JAKMIP3: variants seen among roughly 807,000 people sequenced by gnomAD.
JAKMIP3 encodes the protein Janus kinase and microtubule interacting protein 3.
Under a neutral mutation model 118.5 loss-of-function variants are expected in JAKMIP3, and 58 were observed. That is an observed-to-expected ratio of 0.49 (90% confidence interval 0.40 to 0.61). The LOEUF is 0.61. Among genes scored for constraint, JAKMIP3 ranks in the 20% least tolerant of loss-of-function variants. The probability of loss-of-function intolerance (pLI) is 0.00; values close to 1 mark genes in which losing one functional copy is unlikely to be tolerated. For missense variants in JAKMIP3, 950 were observed against 1,109.0 expected (o/e 0.86, Z 2.04); for synonymous variants, 486 against 451.2 (o/e 1.08, Z -0.98).
chr10:132,139,088 G>A lies in JAKMIP3; in HGVS notation c.1344+910G>A, dbSNP rs569857150. 9.2e-4 allele frequency among the ~76,000 whole-genome samples: 124 copies of A among 135,514 alleles called. 1 individual carries two copies. The highest frequency in any genetic ancestry group is 3.0e-3 in the African/African-American group (109 of 36,308). The allele number at this position is 135,514 out of a possible 152,430, so 88.9% of individuals were successfully genotyped here. A position where few individuals can be genotyped will look rare whatever the true frequency, so the allele number is the denominator to read the frequency against. On this transcript the variant is annotated intron_variant, in intron 9 of 23. Coordinates refer to ENST00000684848, the MANE Select transcript of JAKMIP3 (RefSeq NM_001323087.2). ...TGTGTGTATGTGTATGTGTGTGTGA[G>A]TGCGTGTATGTGTGTACATGTGTGT... is the stretch of plus-strand genomic sequence containing the variant.
chr10:132,102,914 C>G (rs2045220796), intron 1 of JAKMIP3, among the ~76,000 whole-genome samples: 1 of 150,068 alleles, frequency 6.7e-6, no homozygotes, highest in African/African-American at 2.5e-5. Context: ...AGAGGAGATG[C>G]AGGAGTGATG....
At chr10:132,039,908 A>G (rs933725045) in intron 1 of JAKMIP3, among the ~76,000 whole-genome samples, 1 of 152,186 alleles carries the variant, frequency 6.6e-6, no homozygotes, top group African/African-American at 2.4e-5. Context: ...CTTTGCCATG[A>G]CACTAAGCAC....
intron 23 of JAKMIP3, among the ~76,000 whole-genome samples, chr10:132,174,293 A>T (rs1196710419): frequency 6.6e-6 from 1 of 152,066 alleles, no homozygotes; most frequent in Non-Finnish European, 1.5e-5. Flanking sequence ...CACATCAGGT[A>T]AATAGAGTCA....
chr10:132,113,408 A>C (rs1453537227), intron 2 of JAKMIP3, among the ~76,000 whole-genome samples: 1 of 152,202 alleles, frequency 6.6e-6, no homozygotes, highest in African/African-American at 2.4e-5. Flanking sequence ...CACTGTTAGA[A>C]AAAGCGGAAT....
At chr10:132,051,677 T>A (rs2038110612) in intron 1 of JAKMIP3, among the ~76,000 whole-genome samples, 1 of 152,194 alleles carries the variant, frequency 6.6e-6, no homozygotes, top group Non-Finnish European at 1.5e-5. Flanking sequence ...CTCAGCCCAC[T>A]ATAGCCTTGA....
At chr10:132,059,401 A>C (rs1481922503) in intron 1 of JAKMIP3, among the ~76,000 whole-genome samples, 3 of 152,376 alleles carry the variant, frequency 2.0e-5, no homozygotes, top group African/African-American at 7.2e-5. Flanking sequence ...GGTGCAAGAG[A>C]TTGACTTGTT....
Position 132,049,470 on chromosome 10 carries a change from A to G in JAKMIP3, c.-138+12732A>G, listed in dbSNP as rs1475318833. On this transcript the variant is annotated intron_variant, in intron 1 of 23. Transcript: ENST00000657785. This position sits in a 1 kb window ranked among gnomAD's most constrained non-coding sequence, Gnocchi z 4.3. ...GTTATTCTCCCTTGGGCATCTTACA[A>G]TTTATTTCTCATTTTTGAGATGCTT... Among the ~76,000 whole-genome samples, 1 of 149,990 alleles carries G rather than the reference A, an allele frequency of 6.7e-6. No homozygotes were observed. The highest frequency in any genetic ancestry group is 1.5e-5 in the Non-Finnish European group (1 of 67,646).
chr10:132,149,187 C>T (rs2055313019), intron 14 of JAKMIP3, among the ~76,000 whole-genome samples: 1 of 152,108 alleles, frequency 6.6e-6, no homozygotes, highest in Non-Finnish European at 1.5e-5. Context: ...TGAACTCTGC[C>T]CGGCACATCT....
chr10:132,095,463 C>T (rs967253656), intron 1 of JAKMIP3, among the ~76,000 whole-genome samples: 18 of 152,318 alleles, frequency 1.2e-4, no homozygotes, highest in East Asian at 9.7e-4. Context: ...AATCTTCTCC[C>T]GTGATCTAGA....
In JAKMIP3 at chr10:132,104,746, C is replaced by CCACAG. The variant is rs968773301; in HGVS notation, c.-62_-61insACAGC. 7 of 1,524,044 alleles carry CCACAG rather than the reference C, an allele frequency of 4.6e-6. No homozygotes were observed. The highest frequency in any genetic ancestry group is 2.2e-4 in the Middle Eastern group (1 of 4,530). The allele number at this position is 1,524,044 out of a possible 1,614,324, so 94.4% of individuals were successfully genotyped here. A position where few individuals can be genotyped will look rare whatever the true frequency, so the allele number is the denominator to read the frequency against. ...AGCTTGGCGTGGACACCCCAGCCAC[C>CCACAG]CCCAGCCCAGCCCAGCCGGAGCACC... is the stretch of plus-strand genomic sequence containing the variant. On this transcript the variant is annotated 5_prime_UTR_variant, in exon 2 of 24. Coordinates refer to ENST00000684848, the MANE Select transcript of JAKMIP3 (RefSeq NM_001323087.2).
chr10:132,128,159 C>T (rs2049969214), intron 3 of JAKMIP3, among the ~76,000 whole-genome samples: 1 of 152,198 alleles, frequency 6.6e-6, no homozygotes, highest in African/African-American at 2.4e-5. Flanking sequence ...CCTTCATTTC[C>T]AAGGATGTAT....
chr10:132,156,793 G>C (rs1409364533), intron 19 of JAKMIP3, among the ~76,000 whole-genome samples: 2 of 152,234 alleles, frequency 1.3e-5, no homozygotes, highest in African/African-American at 2.4e-5. Flanking sequence ...AAAGAGCTAA[G>C]GATTATGCGG....
At chr10:132,079,867 G>A (rs751206218) in intron 1 of JAKMIP3, among the ~76,000 whole-genome samples, 3 of 152,210 alleles carry the variant, frequency 2.0e-5, no homozygotes, top group Non-Finnish European at 4.4e-5. Context: ...AGGCTGAATC[G>A]TGTTCCATCT....
At position 132,149,966 on chromosome 10, in the gene JAKMIP3, G is replaced by C. The variant is rs772322133; in HGVS notation, c.1948-16G>C. On this transcript the variant is annotated splice_polypyrimidine_tract_variant and intron_variant, in intron 15 of 23. Transcript: ENST00000684848. ...ACCCCGTGGCCACTCACCCCTACCT[G>C]TCCTCTGTGCCTTAGGACATTGTGG... is the stretch of plus-strand genomic sequence containing the variant. 2 of 1,500,230 alleles carry C rather than the reference G, an allele frequency of 1.3e-6. No homozygotes were observed. The highest frequency in any genetic ancestry group is 2.4e-5 in the South Asian group (2 of 83,924). The allele number at this position is 1,500,230 out of a possible 1,614,324, so 92.9% of individuals were successfully genotyped here. A position where few individuals can be genotyped will look rare whatever the true frequency, so the allele number is the denominator to read the frequency against.
rs375516024 is a variant in JAKMIP3, at chr10:132,068,380, C to G, written c.-138+2319C>G. ...TTTCCATTTGGACCCTGAAACGGCC[C>G]TCTTTAGTACGGGGATTGAATAAGT... On this transcript the variant is annotated intron_variant, in intron 1 of 23. Transcript: ENST00000684848. 2.0e-4 allele frequency among the ~76,000 whole-genome samples: 31 copies of G among 152,330 alleles called. 1 individual carries two copies. Among genetic ancestry groups the G allele is most frequent in the Admixed American group, 1.2e-3 (19 of 15,298 alleles).
intron 1 of JAKMIP3, among the ~76,000 whole-genome samples, chr10:132,046,605 G>A (rs2037926329): frequency 6.6e-6 from 1 of 152,192 alleles, no homozygotes; most frequent in Non-Finnish European, 1.5e-5. Context: ...ATCCGCCACG[G>A]CTTATTTATC....
At position 132,168,192 on chromosome 10, in the gene JAKMIP3, C is replaced by A; in HGVS notation, c.*262C>A. ...TTCTCCGGGACGGGCCTGGCCTTGG[C>A]TGCTGGACCCTGGGTCCCTTCTCCC... On this transcript the variant is annotated 3_prime_UTR_variant, in exon 23 of 24. Transcript: ENST00000684848. 2 of 1,288,756 alleles carry A rather than the reference C, an allele frequency of 1.6e-6. No individual in the cohort carries two copies. The highest frequency in any genetic ancestry group is 2.0e-6 in the Non-Finnish European group (2 of 988,458). 79.8% of individuals were successfully genotyped at this position (1,288,756 alleles called of 1,614,324 possible). A position where few individuals can be genotyped will look rare whatever the true frequency, so the allele number is the denominator to read the frequency against.
intron 16 of JAKMIP3, among the ~76,000 whole-genome samples, chr10:132,152,222 G>T (rs1257536137): frequency 6.6e-6 from 1 of 152,206 alleles, no homozygotes; most frequent in African/African-American, 2.4e-5. Flanking sequence ...CAGACTTTGG[G>T]GTTGGGGGAC....
At chr10:132,180,624 T>TGCGCGCGC (rs1319137751) in intron 23 of JAKMIP3, among the ~76,000 whole-genome samples, 4 of 18,096 alleles carry the variant, frequency 2.2e-4, no homozygotes, top group Non-Finnish European at 2.0e-4. Flanking sequence ...TGCGTGTGTG[T>TGCGCGCGC]GCGTGTGTGC....
Sources: gnomAD v4.1 joint callset for allele counts (sites outside exome capture counted in the v4.1 genomes callset) on GRCh38, gnomAD v4.1.1 for gene constraint, Gnocchi (gnomAD v3.1) non-coding constraint, MANE v1.5 for transcripts, NCBI Gene and HGNC (gene_info 2026-07-23, HGNC 2026-07-21) for gene names.